DMP1: variants seen among roughly 807,000 people sequenced by gnomAD.
DMP1 encodes the protein dentin matrix protein 1.
In DMP1, 20 loss-of-function variants were observed where a neutral mutation model predicts 14.6. The ratio of observed to expected loss-of-function variants is 1.37; its 90% confidence interval spans 0.96 to 1.99. The LOEUF is 1.99. Among genes scored for constraint, DMP1 ranks in the 30% most tolerant of loss-of-function variants. The pLI, the probability that DMP1 is intolerant of heterozygous loss-of-function variation, is 0.00. For synonymous variants in DMP1, 197 were observed against 215.3 expected, an observed-to-expected ratio of 0.91 and a Z score of 0.75; for missense variants, 567 against 620.5, an observed-to-expected ratio of 0.91 and a Z score of 0.92.
At position 87,662,867 on chromosome 4, in the gene DMP1, CA is replaced by C; in HGVS notation, c.1090del (p.Arg364GlyfsTer12). 6.2e-7 allele frequency: 1 copy of C among 1,614,084 alleles called. No individual in the cohort carries two copies. The highest frequency in any genetic ancestry group is 8.5e-7 in the Non-Finnish European group (1 of 1,179,994). ...CTCAGGAAGAGGTGGTGAGTGAGTCCAGGGGAGATAACCCCGACCCCACAAC... is the reference window on the plus strand; with the variant it reads ...CTCAGGAAGAGGTGGTGAGTGAGTCCGGGGAGATAACCCCGACCCCACAAC... ...ESQEEVVSES[R>X]GDNPDPTTSY... On this transcript the variant is annotated frameshift_variant, in exon 6 of 6. Coordinates refer to ENST00000339673, the MANE Select transcript of DMP1 (RefSeq NM_004407.4). LOFTEE classifies it low-confidence loss of function (END_TRUNC).
Position 87,662,526 on chromosome 4 carries a change from A to G in DMP1, c.748A>G (p.Asn250Asp). The change falls in exon 6 of 6, where the codon AAC becomes GAC. Residue 250 changes from asparagine to aspartate, a missense_variant. Asn to Asp is a conservative substitution (Grantham distance 23). Coordinates refer to ENST00000339673, the MANE Select transcript of DMP1 (RefSeq NM_004407.4). ...KESGENSEQA[N>D]TQDSGGSQLL... Reference sequence around the variant, plus strand: ...ATCTGGAGAAAACAGTGAGCAAGCAAACACTCAAGATTCAGGTGGCAGCCA... The same window carrying G: ...ATCTGGAGAAAACAGTGAGCAAGCAGACACTCAAGATTCAGGTGGCAGCCA... 3 of 1,614,180 alleles carry G rather than the reference A, an allele frequency of 1.9e-6. No homozygotes were observed. The highest frequency in any genetic ancestry group is 2.2e-5 in the East Asian group (1 of 44,892).
chr4:87,650,410 T>C (rs1728504955), intron 1 of DMP1, 26 bp downstream of exon 1: 1 of 152,262 alleles, frequency 6.6e-6, no homozygotes, highest in Non-Finnish European at 1.5e-5. Context: ...CATTTAATTT[T>C]TTAAAATGAC....
chr4:87,662,480 T>A lies in DMP1; in HGVS notation c.702T>A (p.Ser234Arg). 1 of 1,614,114 alleles carries A rather than the reference T, an allele frequency of 6.2e-7. No individual in the cohort carries two copies. Among genetic ancestry groups the A allele is most frequent in the Non-Finnish European group, 8.5e-7 (1 of 1,180,008 alleles). Residue 234 changes from serine (S) to arginine (R), a missense_variant, in exon 6 of 6, where the codon AGT (serine) becomes AGA (arginine). Transcript: ENST00000339673. ...AAAGGGGAAACTCCAGAATGAACAGTGCAGGCATGAAATCAAAAGAATCTG... is the reference window on the plus strand; with the variant it reads ...AAAGGGGAAACTCCAGAATGAACAGAGCAGGCATGAAATCAAAAGAATCTG... Reference protein sequence around the residue: ...RSERGNSRMNSAGMKSKESGE... With the variant: ...RSERGNSRMNRAGMKSKESGE...
At position 87,659,202 on chromosome 4, in the gene DMP1, T is replaced by C; in HGVS notation, c.103-18T>C. On this transcript the variant is annotated intron_variant, in intron 3 of 5. Coordinates refer to ENST00000339673, the MANE Select transcript of DMP1 (RefSeq NM_004407.4). ...CTGTGAGGGAGTAATTTGTTTTCCTTCCTTTCCTTTTTTGCAGGGTCATTT... is the reference window on the plus strand; with the variant it reads ...CTGTGAGGGAGTAATTTGTTTTCCTCCCTTTCCTTTTTTGCAGGGTCATTT... The C allele has an allele frequency of 6.2e-7, 1 of 1,613,692 alleles. No individual in the cohort carries two copies. The highest frequency in any genetic ancestry group is 1.6e-4 in the Middle Eastern group (1 of 6,062).
chr4:87,651,684 A>T (rs1184183873), intron 1 of DMP1, among the ~76,000 whole-genome samples: 1 of 152,122 alleles, frequency 6.6e-6, no homozygotes, highest in Non-Finnish European at 1.5e-5. Context: ...GTTGGTTTTG[A>T]GAATATGGGC....
At chr4:87,656,371 A>T in intron 1 of DMP1, 101 bp from the exon 2 acceptor site, 1 of 768,610 alleles carries the variant, frequency 1.3e-6, no homozygotes, top group Non-Finnish European at 2.4e-6. Context: ...TCATCAGTTC[A>T]TGGACATTTG....
rs36089093 is a variant in DMP1, at chr4:87,650,292, CA to C, written c.-112del. On this transcript the variant is annotated 5_prime_UTR_variant, in exon 1 of 6. Coordinates refer to ENST00000339673, the MANE Select transcript of DMP1 (RefSeq NM_004407.4). ...CAGAGAAGTGTCCAGAATATCAACA[CA>C]AGAGTGGCTTCATTGGGCATAGATT... is the stretch of plus-strand genomic sequence containing the variant. 0.15 allele frequency: 22,964 copies of C among 152,148 alleles called. 2,221 individuals are homozygous for C. The highest frequency in any genetic ancestry group is 0.29 in the Middle Eastern group (84 of 294). 9.4% of individuals were successfully genotyped at this position (152,148 alleles called of 1,614,324 possible).
intron 1 of DMP1, among the ~76,000 whole-genome samples, chr4:87,652,230 CT>C (rs1287315251): frequency 6.6e-6 from 1 of 152,164 alleles, no homozygotes; most frequent in African/African-American, 2.4e-5. Context: ...AAGTTCTGGA[CT>C]TTTAATTGCA....
At chr4:87,652,361 C>A (rs1359592084) in intron 1 of DMP1, among the ~76,000 whole-genome samples, 1 of 152,126 alleles carries the variant, frequency 6.6e-6, no homozygotes, top group Non-Finnish European at 1.5e-5. Context: ...TTTGGAAATG[C>A]ACTTCACAAA....
At chr4:87,660,530 C>T (rs1466054427) in intron 5 of DMP1, among the ~76,000 whole-genome samples, 2 of 152,182 alleles carry the variant, frequency 1.3e-5, no homozygotes, top group Admixed American at 6.5e-5. Flanking sequence ...CAGACTCAGA[C>T]ATTGATCAGT....
Position 87,656,911 on chromosome 4 carries a change from C to T in DMP1, c.55-121C>T, listed in dbSNP as rs188758040. The T allele has an allele frequency of 6.1e-4, 438 of 723,346 alleles. No individual in the cohort carries two copies. In the African/African-American group the frequency reaches 7.2e-3, roughly 12 times the overall value. The allele number at this position is 723,346 out of a possible 1,614,324, so 44.8% of individuals were successfully genotyped here. On this transcript the variant is annotated intron_variant, in intron 2 of 5. Coordinates refer to ENST00000339673, the MANE Select transcript of DMP1 (RefSeq NM_004407.4). ...ACAGAAATCAGTGTTTTAACAAGGC[C>T]TCCCAGTGATTCTGATGCAGCCTAA...
chr4:87,663,510 G>A lies in DMP1; in HGVS notation c.*190G>A, dbSNP rs1728995243. On this transcript the variant is annotated 3_prime_UTR_variant, in exon 6 of 6. Transcript: ENST00000339673. The stretch of plus-strand genomic sequence containing the variant: ...CATTTCACAGAGGTTTAAATACTGT[G>A]GAGTGACACCAGAACACAGCCAAAG... The A allele has an allele frequency of 1.3e-6, 1 of 791,404 alleles. No individual in the cohort carries two copies. The highest frequency in any genetic ancestry group is 2.0e-6 in the Non-Finnish European group (1 of 496,366). 49.0% of individuals were successfully genotyped at this position (791,404 alleles called of 1,614,324 possible).
intron 1 of DMP1, among the ~76,000 whole-genome samples, chr4:87,650,815 A>T (rs1560488500): frequency 6.6e-6 from 1 of 152,060 alleles, no homozygotes. Context: ...TTTAAAAAGA[A>T]TTTTTTTTAA....
chr4:87,656,621 C>A, intron 2 of DMP1, 75 bp downstream of exon 2: 2 of 961,856 alleles, frequency 2.1e-6, no homozygotes, highest in South Asian at 1.3e-5. Flanking sequence ...GGCTATGAAC[C>A]AAGATGGCTG....
chr4:87,653,407 A>ATATATATAATATATATATATATAT (rs1560489285), intron 1 of DMP1, among the ~76,000 whole-genome samples: 44 of 104,164 alleles, frequency 4.2e-4, no homozygotes, highest in Non-Finnish European at 7.9e-4. Flanking sequence ...ATATATATAT[A>ATATATATAATATATATATATATAT]TATATATATA....
chr4:87,659,293 GTAACT>G, intron 4 of DMP1, 41 bp downstream of exon 4: 1 of 1,611,756 alleles, frequency 6.2e-7, no homozygotes, highest in Non-Finnish European at 8.5e-7. Flanking sequence ...ATCTCATGAA[GTAACT>G]TTAACACTCT....
intron 1 of DMP1, among the ~76,000 whole-genome samples, chr4:87,654,941 A>G (rs1728643716): frequency 6.6e-6 from 1 of 152,132 alleles, no homozygotes; most frequent in African/African-American, 2.4e-5. Flanking sequence ...TTTTGGGGTA[A>G]AGATCTCAGG....
intron 5 of DMP1, among the ~76,000 whole-genome samples, chr4:87,661,021 C>T (rs1251393085): frequency 6.6e-6 from 1 of 150,786 alleles, no homozygotes; most frequent in Non-Finnish European, 1.5e-5. Flanking sequence ...CAAACAATTA[C>T]CTAAGAGGTT....
chr4:87,662,342 G>C lies in DMP1; in HGVS notation c.564G>C (p.Glu188Asp). Residue 188 changes from glutamate (E) to aspartate (D), a missense_variant, in exon 6 of 6, where the codon GAG (glutamate) becomes GAC (aspartate). Glu to Asp is a conservative substitution (Grantham distance 45). Coordinates refer to ENST00000339673, the MANE Select transcript of DMP1 (RefSeq NM_004407.4). ...GAGGTGACTCCACTCAAGAGAGTGA[G>C]AGTGAAGAGCACTGGGTGGGAGGTG... is the stretch of plus-strand genomic sequence containing the variant. ...PEGGDSTQES[E>D]SEEHWVGGGS... is the part of the protein sequence containing the mutation. The C allele has an allele frequency of 6.2e-7, 1 of 1,614,086 alleles. No individual in the cohort carries two copies. Among genetic ancestry groups the C allele is most frequent in the Non-Finnish European group, 8.5e-7 (1 of 1,180,020 alleles).
Sources: gnomAD v4.1 joint callset for allele counts (sites outside exome capture counted in the v4.1 genomes callset) on GRCh38, gnomAD v4.1.1 for gene constraint, MANE v1.5 for transcripts, NCBI Gene and HGNC (gene_info 2026-07-23, HGNC 2026-07-21) for gene names.